The following HYPK variants were observed in gnomAD, a reference collection of about 807,000 sequenced individuals.
HYPK encodes the protein huntingtin interacting protein K.
HYPK carries 9 observed loss-of-function variants against 13.9 expected under a neutral mutation model. That is an observed-to-expected ratio of 0.65 (90% CI 0.39 to 1.13). The LOEUF (loss-of-function observed/expected upper bound fraction) is 1.13, where lower values mean the gene tolerates loss of function less well. Among genes scored for constraint, HYPK ranks in the 50% most tolerant of loss-of-function variants. HYPK has a pLI of 0.01. For missense variants in HYPK, 138 were observed against 157.6 expected (o/e 0.88, Z 0.67); for synonymous variants, 76 against 57.0 (o/e 1.33, Z -1.50).
chr15:43,800,563 G>GT, upstream of HYPK: 1 of 1,609,510 alleles, frequency 6.2e-7, no homozygotes, highest in Non-Finnish European at 8.5e-7. Flanking sequence ...GGCGGAAGCT[G>GT]TGTCAGTTGC....
Position 43,801,150 on chromosome 15 carries a change from G to C in HYPK, c.181G>C (p.Asp61His), listed in dbSNP as rs2087309675. ...NLETAMSVIG[D>H]RRSREQKAKQ... The stretch of plus-strand genomic sequence containing the variant: ...CCCATAGGCCATGTCTGTGATTGGA[G>C]ACAGAAGGTCCCGGGAGCAGAAAGC... Residue 61 changes from aspartate (D) to histidine (H), a missense_variant, in exon 2 of 4, where the codon GAC (aspartate) becomes CAC (histidine). By Grantham distance (81) the Asp-to-His change is moderately conservative. Around this residue, in one of 3 missense-constraint regions of HYPK, gnomAD observed 91 missense variants for 96.8 expected, o/e 0.94. Coordinates refer to ENST00000442995, the MANE Select transcript of HYPK (RefSeq NM_016400.4). 1 of 1,614,008 alleles carries C rather than the reference G, an allele frequency of 6.2e-7. No individual in the cohort carries two copies. The highest frequency in any genetic ancestry group is 8.5e-7 in the Non-Finnish European group (1 of 1,179,992).
chr15:43,801,634 C>G (rs1032126731), intron 3 of HYPK, 65 bp downstream of exon 3: 6 of 1,608,640 alleles, frequency 3.7e-6, no homozygotes, highest in Non-Finnish European at 5.1e-6. Context: ...TGGGTTGTTT[C>G]CTGAAACAAG....
upstream of HYPK, chr15:43,800,510 C>G (rs143419506): frequency 5.4e-3 from 7,377 of 1,368,012 alleles, 45 homozygotes; most frequent in Non-Finnish European, 6.8e-3. Context: ...AGAACTGGAG[C>G]AGAAAGAAGG....
At chr15:43,801,004 A>T in intron 1 of HYPK, 128 bp from the exon 2 acceptor site, 2 of 936,108 alleles carry the variant, frequency 2.1e-6, no homozygotes, top group South Asian at 2.8e-5. Context: ...ATGGAATTAA[A>T]CATAGTCCTT....
chr15:43,800,546 C>G (rs769574139), upstream of HYPK: 5 of 1,593,710 alleles, frequency 3.1e-6, no homozygotes, highest in South Asian at 5.6e-5. Flanking sequence ...GCCCCGCCTC[C>G]TCCCCGGGCG....
In HYPK at chr15:43,802,218, C is replaced by T. The variant is rs2087325745; in HGVS notation, c.*412C>T. On this transcript the variant is annotated 3_prime_UTR_variant, in exon 4 of 4. Coordinates refer to ENST00000442995, the MANE Select transcript of HYPK (RefSeq NM_016400.4). The stretch of plus-strand genomic sequence containing the variant: ...GTAGGTTATGAACCCAGTTCATAGG[C>T]CACCTTGAGTTAGAATTTTGGTACC... The T allele has an allele frequency of 6.2e-6, 1 of 160,972 alleles. No individual in the cohort carries two copies. The highest frequency in any genetic ancestry group is 2.4e-5 in the African/African-American group (1 of 41,562). 10.0% of individuals were successfully genotyped at this position (160,972 alleles called of 1,614,324 possible).
chr15:43,801,688 T>C (rs774147008), intron 3 of HYPK, 23 bp from the exon 4 acceptor site: 85 of 1,613,728 alleles, frequency 5.3e-5, no homozygotes, highest in Middle Eastern at 1.6e-4. Flanking sequence ...TGGGAACCTA[T>C]GTAACATGAT....
Position 43,801,884 on chromosome 15 carries a change from C to A in HYPK, c.*78C>A. 2 of 1,197,710 alleles carry A rather than the reference C, an allele frequency of 1.7e-6. No individual in the cohort carries two copies. Among genetic ancestry groups the A allele is most frequent in the Non-Finnish European group, 2.5e-6 (2 of 810,924 alleles). The allele number at this position is 1,197,710 out of a possible 1,614,324, so 74.2% of individuals were successfully genotyped here. A position where few individuals can be genotyped will look rare whatever the true frequency, so the allele number is the denominator to read the frequency against. On this transcript the variant is annotated 3_prime_UTR_variant, in exon 4 of 4. Transcript: ENST00000442995. ...TTTTTGTCTTTTTCAGTTTTATCAT[C>A]TTGGGTCAAGTAGAGTGTATACTAT...
upstream of HYPK, chr15:43,800,431 T>G (rs1358731471): frequency 3.9e-6 from 3 of 768,600 alleles, no homozygotes; most frequent in African/African-American, 5.2e-5. Context: ...AGAGAAGGCC[T>G]CGCACAAAAC....
rs199657477 is a variant in HYPK at position 43,802,269 on chromosome 15, T to TA, written c.*472dup. 6.4e-5 allele frequency: 10 copies of TA among 155,230 alleles called. No homozygotes were observed. Among genetic ancestry groups the TA allele is most frequent in the South Asian group, 1.9e-4 (1 of 5,332 alleles). The allele number at this position is 155,230 out of a possible 1,614,324, so 9.6% of individuals were successfully genotyped here. ...TACAACATGCTTGATTTTGAGTGATTAAAAAAAAATAATTTGGCTGGGTGC... is the reference window on the plus strand; with the variant it reads ...TACAACATGCTTGATTTTGAGTGATTAAAAAAAAAATAATTTGGCTGGGTGC... On this transcript the variant is annotated 3_prime_UTR_variant, in exon 4 of 4. Coordinates refer to ENST00000442995, the MANE Select transcript of HYPK (RefSeq NM_016400.4).
chr15:43,803,061 A>G lies in HYPK; in HGVS notation c.*1255A>G, dbSNP rs1170146161. On this transcript the variant is annotated 3_prime_UTR_variant, in exon 4 of 4. Coordinates refer to ENST00000442995, the MANE Select transcript of HYPK (RefSeq NM_016400.4). ...CCACCACCAAAAAAAGAATTTAGGT[A>G]CCTGAGGGTTAGAACATGGTAAGAC... 1 of 152,102 alleles carries G rather than the reference A, an allele frequency of 6.6e-6. No homozygotes were observed. The allele number at this position is 152,102 out of a possible 1,614,324, so 9.4% of individuals were successfully genotyped here. A position where few individuals can be genotyped will look rare whatever the true frequency, so the allele number is the denominator to read the frequency against.
At position 43,804,084 on chromosome 15, in the gene HYPK, CT is replaced by C. The variant is rs2141702453; in HGVS notation, c.*2281del. Among the ~76,000 whole-genome samples, 1 of 149,378 alleles carries C rather than the reference CT, an allele frequency of 6.7e-6. No homozygotes were observed. Among genetic ancestry groups the C allele is most frequent in the East Asian group, 2.0e-4 (1 of 4,950 alleles). ...TCTAGCCTGGGCAACAGAGCCGTCT[CT>C]TTAAAACAAACAAACAAACAAAAAA... On this transcript the variant is annotated 3_prime_UTR_variant, in exon 4 of 4. Coordinates refer to ENST00000442995, the MANE Select transcript of HYPK (RefSeq NM_016400.4).
intron 3 of HYPK, 36 bp from the exon 4 acceptor site, chr15:43,801,675 G>A: frequency 6.2e-7 from 1 of 1,612,032 alleles, no homozygotes; most frequent in East Asian, 2.2e-5. Context: ...GCACATTAAT[G>A]CCTGGGAACC....
upstream of HYPK, chr15:43,800,474 G>T (rs770027426): frequency 1.7e-5 from 19 of 1,095,914 alleles, no homozygotes; most frequent in Non-Finnish European, 4.1e-6. Context: ...TCTGAGAGAC[G>T]AACCGCCTTC....
rs373441088 is a variant in HYPK at position 43,801,568 on chromosome 15, T to C, written c.269T>C (p.Ile90Thr). 24 of 1,613,512 alleles carry C rather than the reference T, an allele frequency of 1.5e-5. No individual in the cohort carries two copies. The highest frequency in any genetic ancestry group is 2.7e-5 in the African/African-American group (2 of 74,918). ...VTIKKEDLEL[I>T]MTEMEISRAA... ...ATCAAGAAGGAAGATCTGGAGCTAA[T>C]AGTGAGTGGTAGTGCCTAACTAGTG... The change falls in exon 3 of 4, where the codon ATA (isoleucine) becomes ACA (threonine). Residue 90 changes from isoleucine to threonine, a missense_variant and splice_region_variant. Transcript: ENST00000442995.
Position 43,802,094 on chromosome 15 carries a change from C to T in HYPK, c.*288C>T. 2.5e-6 allele frequency: 1 copy of T among 401,002 alleles called. No homozygotes were observed. The highest frequency in any genetic ancestry group is 4.6e-6 in the Non-Finnish European group (1 of 218,132). 24.8% of individuals were successfully genotyped at this position (401,002 alleles called of 1,614,324 possible). On this transcript the variant is annotated 3_prime_UTR_variant, in exon 4 of 4. Transcript: ENST00000442995. ...ATTCAAGGTACATCTGGAGTCTCAGCAGAGTTACTGTACTCAAATGGCATG... is the reference window on the plus strand; with the variant it reads ...ATTCAAGGTACATCTGGAGTCTCAGTAGAGTTACTGTACTCAAATGGCATG...
rs762392808 is a variant in HYPK at position 43,800,923 on chromosome 15, G to C, written c.162+139G>C. On this transcript the variant is annotated intron_variant, in intron 1 of 3. Transcript: ENST00000442995. ...CAATAGGGTAGAGCCGAGGGAAACA[G>C]CGGTCACCGGAGCGCGCCGCTTGCC... 19 of 966,182 alleles carry C rather than the reference G, an allele frequency of 2.0e-5. No homozygotes were observed. The East Asian group carries it at 4.7e-4, about 24-fold the overall frequency. 59.9% of individuals were successfully genotyped at this position (966,182 alleles called of 1,614,324 possible). A position where few individuals can be genotyped will look rare whatever the true frequency, so the allele number is the denominator to read the frequency against.
Position 43,803,197 on chromosome 15 carries a change from T to TG in HYPK, c.*1394dup, listed in dbSNP as rs1350874549. Among the ~76,000 whole-genome samples the TG allele has an allele frequency of 6.8e-6, 1 of 147,554 alleles. No homozygotes were observed. Among genetic ancestry groups the TG allele is most frequent in the Non-Finnish European group, 1.5e-5 (1 of 67,070 alleles). On this transcript the variant is annotated 3_prime_UTR_variant, in exon 4 of 4. Coordinates refer to ENST00000442995, the MANE Select transcript of HYPK (RefSeq NM_016400.4). ...TCAGGTCAGGATTTCCAGACCAGCC[T>TG]GGGCAACATAGCATGACCTTGTCTC...
chr15:43,801,530 GGCAAAAGTCACTA>G lies in HYPK; in HGVS notation c.232_244del (p.Ala78SerfsTer8). On this transcript the variant is annotated frameshift_variant, in exon 3 of 4. Transcript: ENST00000442995. LOFTEE classifies it high-confidence loss of function. ...AATATTTTTGCAGGGAGAAAGAACT[GGCAAAAGTCACTA>G]TCAAGAAGGAAGATCTGGAGCTAAT... The G allele has an allele frequency of 6.2e-7, 1 of 1,613,638 alleles. No homozygotes were observed. Among genetic ancestry groups the G allele is most frequent in the Non-Finnish European group, 8.5e-7 (1 of 1,179,522 alleles).
Sources: allele counts gnomAD v4.1 joint callset (sites outside exome capture counted in the v4.1 genomes callset), GRCh38; gene constraint gnomAD v4.1.1; regional missense constraint gnomAD v4.1.1; transcripts MANE v1.5; gene names NCBI Gene and HGNC (gene_info 2026-07-23, HGNC 2026-07-21).